The following CCSER1 variants were observed in gnomAD, a reference collection of about 807,000 sequenced individuals.
CCSER1 encodes the protein coiled-coil serine rich protein 1, also known as serine-rich coiled-coil domain-containing protein 1.
In CCSER1, 41 loss-of-function variants were observed where a neutral mutation model predicts 82.0. That is an observed-to-expected ratio of 0.50 (90% CI 0.39 to 0.65). CCSER1 has a LOEUF of 0.65. CCSER1 is among the 30% of genes least tolerant of loss of function. The pLI, the probability that CCSER1 is intolerant of heterozygous loss-of-function variation, is 0.00. For synonymous variants in CCSER1, 414 were observed against 383.9 expected (o/e 1.08, Z -0.92); for missense variants, 1,119 against 1,064.2 (o/e 1.05, Z -0.72).
At chr4:91,097,295 T>C (rs1724605452) in intron 10 of CCSER1, among the ~76,000 whole-genome samples, 1 of 151,928 alleles carries the variant, frequency 6.6e-6, no homozygotes, top group South Asian at 2.1e-4. Flanking sequence ...GATAAGCTAA[T>C]ATGAAAGACA....
rs535912825 is a variant in CCSER1, at chr4:91,236,821, G to T, written c.2217+150827G>T. 2.0e-4 allele frequency among the ~76,000 whole-genome samples: 31 copies of T among 152,240 alleles called. 1 individual carries two copies. The South Asian group carries it at 6.0e-3, about 30-fold the overall frequency. Reference sequence around the variant, plus strand: ...CTTCTAACTCAGTAGACATTGGGAAGGTTTTGTGAAAGCAGTGGATAGAAG... The same window carrying T: ...CTTCTAACTCAGTAGACATTGGGAATGTTTTGTGAAAGCAGTGGATAGAAG... On this transcript the variant is annotated intron_variant, in intron 10 of 10. Transcript: ENST00000509176.
At chr4:91,439,180 C>T (rs1464819422) in intron 10 of CCSER1, among the ~76,000 whole-genome samples, 2 of 152,066 alleles carry the variant, frequency 1.3e-5, no homozygotes, top group Admixed American at 1.3e-4. Flanking sequence ...ACATAATTGT[C>T]AGATTCACCA....
At chr4:90,491,577 G>A (rs1018334433) in intron 5 of CCSER1, among the ~76,000 whole-genome samples, 3 of 152,104 alleles carry the variant, frequency 2.0e-5, no homozygotes, top group Non-Finnish European at 4.4e-5. Flanking sequence ...GTGAGAGAGG[G>A]CATCCCTGTC....
At chr4:91,294,559 G>A (rs1167383026) in intron 10 of CCSER1, among the ~76,000 whole-genome samples, 1 of 151,754 alleles carries the variant, frequency 6.6e-6, no homozygotes. Flanking sequence ...GATGGCAACA[G>A]GGTTTGTTCC....
chr4:90,693,372 T>G (rs185264033), intron 6 of CCSER1: 7 of 152,108 alleles, frequency 4.6e-5, no homozygotes, highest in African/African-American at 1.7e-4. Context: ...ATTCACATTT[T>G]CTTTTACTCT....
chr4:90,971,618 T>C (rs1455540947), intron 9 of CCSER1, among the ~76,000 whole-genome samples: 1 of 151,946 alleles, frequency 6.6e-6, no homozygotes, highest in Non-Finnish European at 1.5e-5. Flanking sequence ...TTCAAGCTCC[T>C]CCAAAAAAAT....
At chr4:91,228,893 A>G (rs1267445930) in intron 10 of CCSER1, among the ~76,000 whole-genome samples, 5 of 152,178 alleles carry the variant, frequency 3.3e-5, no homozygotes, top group African/African-American at 1.2e-4. Context: ...TACTGATCAC[A>G]GATAAAACTA....
At chr4:90,462,223 A>G (rs768787177) in intron 4 of CCSER1, among the ~76,000 whole-genome samples, 5 of 152,180 alleles carry the variant, frequency 3.3e-5, no homozygotes, top group Admixed American at 2.6e-4. Flanking sequence ...AAAACAGACC[A>G]GTAAAAGATA....
rs116593783 is a variant in CCSER1, at chr4:91,460,002, A to T, written c.2218-138570A>T. Among the ~76,000 whole-genome samples, 918 of 152,298 alleles carry T rather than the reference A, an allele frequency of 6.0e-3. 6 individuals carry two copies. The highest frequency in any genetic ancestry group is 0.018 in the African/African-American group (754 of 41,570). ...CTCAGCCACTGGCAGTGGCAAGCAGAGCATTTTGAAGGGAAATATGTAGCC... is the reference window on the plus strand; with the variant it reads ...CTCAGCCACTGGCAGTGGCAAGCAGTGCATTTTGAAGGGAAATATGTAGCC... On this transcript the variant is annotated intron_variant, in intron 10 of 10. Transcript: ENST00000509176.
In CCSER1 at chr4:91,599,110, C is replaced by T; in HGVS notation, c.*53C>T. ...TAGGATAAAGATGGTTAGTGTTTCT[C>T]GTGCATAGTTCATATTAAAATTGTC... On this transcript the variant is annotated 3_prime_UTR_variant, in exon 11 of 11. Coordinates refer to ENST00000509176, the MANE Select transcript of CCSER1 (RefSeq NM_001145065.2). The T allele has an allele frequency of 1.4e-5, 21 of 1,450,096 alleles. No homozygotes were observed. The South Asian group carries it at 3.1e-4, about 21-fold the overall frequency. 89.8% of individuals were successfully genotyped at this position (1,450,096 alleles called of 1,614,324 possible).
intron 10 of CCSER1, among the ~76,000 whole-genome samples, chr4:91,136,362 T>G (rs1728470348): frequency 6.6e-6 from 1 of 152,232 alleles, no homozygotes; most frequent in South Asian, 2.1e-4. Context: ...GTTAATATTC[T>G]GTGTTTACCT....
chr4:90,143,514 A>C (rs1725210981), intron 1 of CCSER1, among the ~76,000 whole-genome samples: 1 of 151,566 alleles, frequency 6.6e-6, no homozygotes, highest in African/African-American at 2.4e-5. Context: ...ACACACACAC[A>C]CACACACACA....
chr4:91,369,888 G>T (rs1749912950), intron 10 of CCSER1, among the ~76,000 whole-genome samples: 3 of 150,850 alleles, frequency 2.0e-5, no homozygotes, highest in African/African-American at 7.3e-5. Context: ...CACCATGTTG[G>T]CCAGGATGGT....
At chr4:90,450,619 C>T (rs1464728348) in intron 4 of CCSER1, among the ~76,000 whole-genome samples, 4 of 152,162 alleles carry the variant, frequency 2.6e-5, no homozygotes, top group African/African-American at 4.8e-5. Context: ...GAGGAAATTC[C>T]GTCAGTTCCC....
intron 10 of CCSER1, among the ~76,000 whole-genome samples, chr4:91,339,792 A>AT (rs540131479): frequency 4.9e-4 from 73 of 150,378 alleles, no homozygotes; most frequent in Admixed American, 2.3e-3. Context: ...TATGTATACT[A>AT]TTTTTTTTTT....
chr4:90,660,627 C>A (rs1730596017), intron 6 of CCSER1, among the ~76,000 whole-genome samples: 1 of 151,326 alleles, frequency 6.6e-6, no homozygotes. Flanking sequence ...AAAATAAGGG[C>A]AACATTATTA....
chr4:91,047,777 C>G (rs1387637153), intron 9 of CCSER1, among the ~76,000 whole-genome samples: 1 of 152,098 alleles, frequency 6.6e-6, no homozygotes, highest in Non-Finnish European at 1.5e-5. Context: ...GGTATTTAGG[C>G]ATATTTTGAG....
chr4:91,355,234 T>G (rs1748745077), intron 10 of CCSER1, among the ~76,000 whole-genome samples: 1 of 152,138 alleles, frequency 6.6e-6, no homozygotes, highest in Non-Finnish European at 1.5e-5. Flanking sequence ...TTTTTTTTAG[T>G]TTACAGAACG....
chr4:91,599,446 C>T lies in CCSER1; in HGVS notation c.*389C>T, dbSNP rs1237248039. The T allele has an allele frequency of 1.3e-5, 2 of 153,120 alleles. No homozygotes were observed. Among genetic ancestry groups the T allele is most frequent in the African/African-American group, 4.9e-5 (2 of 41,078 alleles). 9.5% of individuals were successfully genotyped at this position (153,120 alleles called of 1,614,324 possible). A position where few individuals can be genotyped will look rare whatever the true frequency, so the allele number is the denominator to read the frequency against. On this transcript the variant is annotated 3_prime_UTR_variant, in exon 11 of 11. Transcript: ENST00000509176. ...TTAATGGTGTTACTATAAAAGTAGA[C>T]CTGATGAAAAATAGATAAAGGAATT...
Sources: allele counts gnomAD v4.1 joint callset (sites outside exome capture counted in the v4.1 genomes callset), GRCh38; gene constraint gnomAD v4.1.1; transcripts MANE v1.5; gene names NCBI Gene and HGNC (gene_info 2026-07-23, HGNC 2026-07-21).